Variants in SUGCT observed in about 807,000 individuals in gnomAD.
SUGCT encodes the protein succinyl-CoA:glutarate-CoA transferase, also known as succinyl-CoA:glutarate CoA-transferase.
A neutral mutation model predicts 55.0 loss-of-function variants in SUGCT; 41 were observed. The ratio of observed to expected loss-of-function variants is 0.74; its 90% CI spans 0.58 to 0.97. The LOEUF (loss-of-function observed/expected upper bound fraction) is 0.97. Among genes scored for constraint, SUGCT ranks in the 50% least tolerant of loss-of-function variants. The pLI, the probability that SUGCT is intolerant of heterozygous loss-of-function variation, is 0.00. For missense variants in SUGCT, 568 were observed against 547.8 expected (o/e 1.04, Z -0.37); for synonymous variants, 187 against 200.4 (o/e 0.93, Z 0.56).
At chr7:40,915,044 C>T in the SUGCT span, among the ~76,000 whole-genome samples, 1 of 152,088 alleles carries the variant, frequency 6.6e-6, no homozygotes, top group Non-Finnish European at 1.5e-5. Flanking sequence ...AGATAGGGAT[C>T]GTATCAGAAA....
At chr7:40,824,157 C>T (rs1792181663) in intron 13 of SUGCT, among the ~76,000 whole-genome samples, 1 of 151,798 alleles carries the variant, frequency 6.6e-6, no homozygotes, top group South Asian at 2.1e-4. Flanking sequence ...CTAGCTAAAT[C>T]CTCAAATTAA....
In SUGCT at chr7:40,554,775, T is replaced by G. The variant is rs563013504; in HGVS notation, c.1089+58389T>G. On this transcript the variant is annotated intron_variant, in intron 12 of 13. Transcript: ENST00000335693. ...CAGTTGTACTTTTGAGCCTAACAGA[T>G]TTTTCCTCTTCCAGCATCTCTCCTT... 1.8e-3 allele frequency among the ~76,000 whole-genome samples: 273 copies of G among 152,316 alleles called. 2 individuals carry two copies. Among genetic ancestry groups the G allele is most frequent in the African/African-American group, 6.2e-3 (259 of 41,564 alleles).
chr7:40,272,141 CATATATATATATATAT>C (rs58480323), intron 7 of SUGCT, among the ~76,000 whole-genome samples: 1,565 of 46,616 alleles, frequency 0.034, 42 homozygotes, highest in Admixed American at 0.062. Flanking sequence ...TGCAATGTGA[CATATATATATATATAT>C]ATATATATAT....
rs755235740 is a variant in SUGCT, at chr7:40,772,623, C to CTA, written c.1153+23128_1153+23129dup. 2.0e-5 allele frequency among the ~76,000 whole-genome samples: 3 copies of CTA among 149,166 alleles called. No individual in the cohort carries two copies. The East Asian group carries it at 5.9e-4, about 29-fold the overall frequency. On this transcript the variant is annotated intron_variant, in intron 13 of 13. Transcript: ENST00000335693. Reference sequence around the variant, plus strand: ...TCTATCTATCTATCTATCTATCTATCTATCTATCTCTATCATTTACTTTTG... The same window carrying CTA: ...TCTATCTATCTATCTATCTATCTATCTATATCTATCTCTATCATTTACTTTTG...
chr7:40,289,453 A>G (rs1227890007), intron 8 of SUGCT, among the ~76,000 whole-genome samples: 5 of 152,220 alleles, frequency 3.3e-5, no homozygotes, highest in Non-Finnish European at 7.3e-5. Context: ...GAGCAATTGT[A>G]ACAATATATT....
chr7:40,963,428 A>G, the SUGCT span, among the ~76,000 whole-genome samples: 1 of 152,210 alleles, frequency 6.6e-6, no homozygotes, highest in Non-Finnish European at 1.5e-5. Context: ...TCCAATTGAT[A>G]CTTTTTAAAC....
At chr7:40,536,671 T>A (rs1232160869) in intron 12 of SUGCT, among the ~76,000 whole-genome samples, 1 of 152,176 alleles carries the variant, frequency 6.6e-6, no homozygotes, top group African/African-American at 2.4e-5. Context: ...AATACAGAGA[T>A]GAAAGATCTG....
At chr7:40,755,073 C>T (rs902359729) in intron 13 of SUGCT, among the ~76,000 whole-genome samples, 1 of 152,110 alleles carries the variant, frequency 6.6e-6, no homozygotes, top group Non-Finnish European at 1.5e-5. Flanking sequence ...GGCAGGCTCA[C>T]AGTGACCCCG....
rs192199385 is a variant in SUGCT, at chr7:40,393,854, G to A, written c.817-55433G>A. Among the ~76,000 whole-genome samples, 14 of 152,304 alleles carry A rather than the reference G, an allele frequency of 9.2e-5. No individual in the cohort carries two copies. The East Asian group carries it at 2.7e-3, about 29-fold the overall frequency. On this transcript the variant is annotated intron_variant, in intron 9 of 13. Coordinates refer to ENST00000335693, the MANE Select transcript of SUGCT (RefSeq NM_001193313.2). The stretch of plus-strand genomic sequence containing the variant: ...GGTTTCAGCCATCTGGAGGAAGAAG[G>A]AAGCAGTGATAACTCTTGAAAATGA...
intron 1 of SUGCT, among the ~76,000 whole-genome samples, chr7:40,176,729 T>C (rs1157300417): frequency 6.6e-6 from 1 of 151,918 alleles, no homozygotes; most frequent in African/African-American, 2.4e-5. Context: ...TCCCAGCACT[T>C]TGAGAGGTCG....
intron 8 of SUGCT, among the ~76,000 whole-genome samples, chr7:40,275,035 A>C (rs989181257): frequency 9.9e-5 from 15 of 152,170 alleles, no homozygotes; most frequent in African/African-American, 3.1e-4. Flanking sequence ...TCCCGACCTC[A>C]GGTGATTTGC....
the SUGCT span, among the ~76,000 whole-genome samples, chr7:40,941,251 T>A: frequency 3.3e-5 from 5 of 152,242 alleles, no homozygotes; most frequent in East Asian, 9.6e-4. Context: ...CACTTTGCTG[T>A]ATCCCAGAGG....
chr7:40,835,890 C>CTTTTTTTTTT (rs1011199588), intron 13 of SUGCT, among the ~76,000 whole-genome samples: 10 of 136,072 alleles, frequency 7.3e-5, no homozygotes, highest in African/African-American at 8.1e-5. Context: ...TCTTTTTTTT[C>CTTTTTTTTTT]TTTTTTTTTT....
chr7:40,897,995 C>G, the SUGCT span, among the ~76,000 whole-genome samples: 1 of 152,204 alleles, frequency 6.6e-6, no homozygotes, highest in Non-Finnish European at 1.5e-5. Context: ...GCCACCCGCT[C>G]AGGTTCCCTT....
chr7:40,988,940 G>T, the SUGCT span, among the ~76,000 whole-genome samples: 10 of 151,522 alleles, frequency 6.6e-5, no homozygotes, highest in African/African-American at 2.4e-4. Context: ...AGGCAGGTTT[G>T]ATTCCAGACA....
chr7:40,605,061 C>T (rs764071807), intron 12 of SUGCT, among the ~76,000 whole-genome samples: 3 of 152,226 alleles, frequency 2.0e-5, no homozygotes, highest in East Asian at 1.9e-4. Context: ...CGCCTCTCAG[C>T]GCCTGGCTTA....
intron 9 of SUGCT, among the ~76,000 whole-genome samples, chr7:40,330,921 G>A (rs1409643391): frequency 6.6e-6 from 1 of 152,042 alleles, no homozygotes. Context: ...TAATTTTGAA[G>A]CATTTTAGTG....
intron 12 of SUGCT, among the ~76,000 whole-genome samples, chr7:40,644,973 A>T (rs767199827): frequency 6.6e-6 from 1 of 152,160 alleles, no homozygotes; most frequent in Non-Finnish European, 1.5e-5. Context: ...TGCTTACAGC[A>T]TGATACATTT....
intron 9 of SUGCT, among the ~76,000 whole-genome samples, chr7:40,336,504 C>T (rs560992662): frequency 1.3e-5 from 2 of 152,232 alleles, no homozygotes; most frequent in South Asian, 4.2e-4. Context: ...GGAATTTATC[C>T]ATTTCTTCTA....
Sources: gnomAD v4.1 joint callset for allele counts (sites outside exome capture counted in the v4.1 genomes callset) on GRCh38, gnomAD v4.1.1 for gene constraint, MANE v1.5 for transcripts, NCBI Gene and HGNC (gene_info 2026-07-23, HGNC 2026-07-21) for gene names.